PAFAH1B2: variants seen among roughly 807,000 people sequenced by gnomAD.
PAFAH1B2 encodes the protein platelet activating factor acetylhydrolase 1b catalytic subunit 2.
PAFAH1B2 carries 8 observed loss-of-function variants against 28.0 expected under a neutral mutation model. The ratio of observed to expected loss-of-function variants is 0.29; its 90% CI spans 0.17 to 0.52. PAFAH1B2 has a LOEUF of 0.52. Among genes scored for constraint, PAFAH1B2 ranks in the 20% least tolerant of loss-of-function variants. The probability of loss-of-function intolerance (pLI) is 0.97; values close to 1 mark genes in which losing one functional copy is unlikely to be tolerated. For synonymous variants in PAFAH1B2, 104 were observed against 103.2 expected (o/e 1.01, Z -0.05); for missense variants, 190 against 282.6 (o/e 0.67, Z 2.35).
At chr11:117,174,862 G>A (rs986115987), downstream of PAFAH1B2, 25 of 1,389,750 alleles carry the variant, frequency 1.8e-5, no homozygotes, top group Admixed American at 2.3e-5. Flanking sequence ...TGATCCAACC[G>A]CCTTGGCCTC....
intron 4 of PAFAH1B2, among the ~76,000 whole-genome samples, chr11:117,162,590 C>G (rs1956399936): frequency 6.7e-6 from 1 of 148,754 alleles, no homozygotes; most frequent in Non-Finnish European, 1.5e-5. Flanking sequence ...CATGGTGAAA[C>G]CCTGTCTCTA....
chr11:117,176,603 G>A (rs543650576), exon 6 of PAFAH1B2: 18 of 176,058 alleles, frequency 1.0e-4, no homozygotes, highest in South Asian at 2.0e-4. Context: ...TTGGCCGGGC[G>A]CAGTGGCTCA....
intron 2 of PAFAH1B2, among the ~76,000 whole-genome samples, chr11:117,153,967 A>G (rs1437149454): frequency 2.7e-5 from 4 of 148,736 alleles, no homozygotes; most frequent in African/African-American, 9.9e-5. Context: ...ACAGTGGCTC[A>G]TGCCTGTAAT....
rs1956549350 is a variant in PAFAH1B2 at position 117,167,916 on chromosome 11, A to T, written c.*217A>T. The T allele has an allele frequency of 4.2e-5, 50 of 1,177,838 alleles. No homozygotes were observed. Among genetic ancestry groups the T allele is most frequent in the Non-Finnish European group, 5.1e-5 (49 of 952,786 alleles). The allele number at this position is 1,177,838 out of a possible 1,614,324, so 73.0% of individuals were successfully genotyped here. On this transcript the variant is annotated 3_prime_UTR_variant, in exon 6 of 6. Coordinates refer to ENST00000527958, the MANE Select transcript of PAFAH1B2 (RefSeq NM_002572.4). ...AATTAGCCAAGGAAGATTGTTGTTT[A>T]AATTCATTTGAAACCAGAAGGGGAC...
At chr11:117,166,148 A>T (rs1352447476) in intron 5 of PAFAH1B2, among the ~76,000 whole-genome samples, 1 of 152,150 alleles carries the variant, frequency 6.6e-6, no homozygotes, top group African/African-American at 2.4e-5. Context: ...AGACCAGGTC[A>T]TGTAGGAATT....
rs1347943080 is a variant in PAFAH1B2, at chr11:117,155,407, TATC to T, written c.81+2881_81+2883del. On this transcript the variant is annotated intron_variant, in intron 2 of 5. Coordinates refer to ENST00000527958, the MANE Select transcript of PAFAH1B2 (RefSeq NM_002572.4). The stretch of plus-strand genomic sequence containing the variant: ...TAGATGAAGCATAGATACCTTATAT[TATC>T]AATAAAAATATCCTAAAGGAACTAA... Among the ~76,000 whole-genome samples the T allele has an allele frequency of 4.6e-5, 7 of 152,308 alleles. No homozygotes were observed. In the South Asian group the frequency reaches 1.4e-3, roughly 32 times the overall value.
At chr11:117,159,762 AGTT>A (rs1956330733) in intron 2 of PAFAH1B2, 169 bp from the exon 3 acceptor site, 2 of 517,072 alleles carry the variant, frequency 3.9e-6, no homozygotes, top group Non-Finnish European at 6.9e-6. Context: ...GAAAGAAAAA[AGTT>A]GTTTTTGTAG....
intron 5 of PAFAH1B2, among the ~76,000 whole-genome samples, chr11:117,165,472 A>G (rs1235519564): frequency 2.6e-5 from 4 of 152,202 alleles, no homozygotes; most frequent in Non-Finnish European, 2.9e-5. Flanking sequence ...CATTTACTCA[A>G]AAAACCTGAG....
downstream of PAFAH1B2, among the ~76,000 whole-genome samples, chr11:117,177,898 A>C (rs1373415931): frequency 1.3e-5 from 2 of 152,208 alleles, no homozygotes; most frequent in Non-Finnish European, 2.9e-5. Flanking sequence ...GTGAAGTCTT[A>C]AGCATCATTT....
At chr11:117,164,058 T>G in intron 5 of PAFAH1B2, 166 bp downstream of exon 5, 1 of 655,358 alleles carries the variant, frequency 1.5e-6, no homozygotes. Context: ...ACTGGTTTCA[T>G]CATTCCCCAT....
chr11:117,151,722 A>T (rs1198158861), intron 1 of PAFAH1B2, among the ~76,000 whole-genome samples: 2 of 151,140 alleles, frequency 1.3e-5, no homozygotes, highest in East Asian at 1.9e-4. Flanking sequence ...TTTTTTTGAG[A>T]CAGAGTCTTG....
intron 2 of PAFAH1B2, among the ~76,000 whole-genome samples, chr11:117,153,285 G>C (rs1017777858): frequency 7.9e-5 from 12 of 152,000 alleles, no homozygotes; most frequent in Non-Finnish European, 1.6e-4. Context: ...CAGAAATTTA[G>C]AAAGAAGTAT....
At chr11:117,163,970 T>C in intron 5 of PAFAH1B2, 78 bp downstream of exon 5, 1 of 1,457,666 alleles carries the variant, frequency 6.9e-7, no homozygotes, top group South Asian at 1.2e-5. Context: ...TGATTGCTCA[T>C]GAATATTAGA....
At chr11:117,166,602 A>T (rs1299492923) in intron 5 of PAFAH1B2, among the ~76,000 whole-genome samples, 3 of 152,246 alleles carry the variant, frequency 2.0e-5, no homozygotes, top group Admixed American at 2.0e-4. Context: ...ATGGTAGCTC[A>T]TGCCTAATCC....
chr11:117,146,912 G>T (rs1241119463), intron 1 of PAFAH1B2, among the ~76,000 whole-genome samples: 1 of 151,506 alleles, frequency 6.6e-6, no homozygotes, highest in African/African-American at 2.4e-5. Flanking sequence ...ACTGCAGTGA[G>T]CCATGATTTC....
At chr11:117,153,477 C>G (rs890444396) in intron 2 of PAFAH1B2, among the ~76,000 whole-genome samples, 1 of 152,040 alleles carries the variant, frequency 6.6e-6, no homozygotes, top group Non-Finnish European at 1.5e-5. Context: ...CACCCCCCTG[C>G]CACCCTGGGT....
At chr11:117,160,153 G>T in intron 3 of PAFAH1B2, 130 bp downstream of exon 3, 2 of 690,854 alleles carry the variant, frequency 2.9e-6, no homozygotes, top group Non-Finnish European at 5.2e-6. Context: ...GGTTATAAGA[G>T]AATCAAAGCT....
chr11:117,175,625 G>A (rs933660995), downstream of PAFAH1B2: 4 of 1,232,552 alleles, frequency 3.2e-6, no homozygotes, highest in African/African-American at 3.1e-5. Flanking sequence ...CCAGAGCAGT[G>A]GTTCTCAAAC....
chr11:117,165,567 C>T (rs1363775194), intron 5 of PAFAH1B2, among the ~76,000 whole-genome samples: 4 of 152,146 alleles, frequency 2.6e-5, no homozygotes, highest in African/African-American at 4.8e-5. Flanking sequence ...AGCTCACAGT[C>T]TAGTGTATGG....
Sources: allele counts gnomAD v4.1 joint callset (sites outside exome capture counted in the v4.1 genomes callset), GRCh38; gene constraint gnomAD v4.1.1; transcripts MANE v1.5; gene names NCBI Gene and HGNC (gene_info 2026-07-23, HGNC 2026-07-21).